The following ZNF479 variants were observed in gnomAD, a reference collection of about 807,000 sequenced individuals.
The protein encoded by ZNF479 is KRAB zinc finger protein KR19.
ZNF479 carries 15 observed loss-of-function variants against 14.7 expected under a neutral mutation model. That is an observed-to-expected ratio of 1.02 (90% CI 0.68 to 1.57). The LOEUF (loss-of-function observed/expected upper bound fraction) is 1.57, where lower values mean the gene tolerates loss of function less well. Ranked by LOEUF, ZNF479 falls within the 40% of genes most tolerant of loss-of-function variation. ZNF479 has a pLI of 0.00. For synonymous variants in ZNF479, 145 were observed against 211.5 expected, an observed-to-expected ratio of 0.69 and a Z score of 2.73; for missense variants, 506 against 615.1, an observed-to-expected ratio of 0.82 and a Z score of 1.88.
chr7:57,122,263 A>G (rs1374604207), intron 3 of ZNF479, among the ~76,000 whole-genome samples: 1 of 151,420 alleles, frequency 6.6e-6, no homozygotes, highest in Non-Finnish European at 1.5e-5. Flanking sequence ...AGGCTGAAAA[A>G]AATTTTCATG....
chr7:57,132,157 G>C (rs1157749673), intron 1 of ZNF479, 129 bp downstream of exon 1: 3 of 1,544,640 alleles, frequency 1.9e-6, no homozygotes, highest in Non-Finnish European at 2.7e-6. Flanking sequence ...AGCCGAGCTG[G>C]GCCAAAGAGG....
At chr7:57,134,427 T>A (rs1338674236), upstream of ZNF479, among the ~76,000 whole-genome samples, 1 of 152,108 alleles carries the variant, frequency 6.6e-6, no homozygotes, top group Non-Finnish European at 1.5e-5. Flanking sequence ...TTACCTTACA[T>A]GGTCTAAAAA....
upstream of ZNF479, among the ~76,000 whole-genome samples, chr7:57,135,880 C>T (rs779259673): frequency 5.3e-5 from 8 of 151,984 alleles, no homozygotes; most frequent in Non-Finnish European, 1.2e-4. Context: ...AAGCAGCCAC[C>T]TAAACTTTTG....
At chr7:57,134,356 C>A (rs992204725), upstream of ZNF479, among the ~76,000 whole-genome samples, 16 of 152,108 alleles carry the variant, frequency 1.1e-4, no homozygotes, top group African/African-American at 3.9e-4. Context: ...TGCATTAGCA[C>A]GTGAAAGACA....
Position 57,120,037 on chromosome 7 carries a change from T to C in ZNF479, c.1378A>G (p.Thr460Ala), listed in dbSNP as rs781859666. ...TCACATGTGTAGGGTCTCTCTCCAG[T>C]ATGAATTCTCTTGTGGTCAGTGAGG... Reference protein sequence around the residue: ...STLTDHKRIHTGERPYTCEEC... With the variant: ...STLTDHKRIHAGERPYTCEEC... Residue 460 changes from threonine (T) to alanine (A), a missense_variant, in exon 4 of 4, where the codon ACT becomes GCT. By Grantham distance (58) the Thr-to-Ala change is moderately conservative. This residue lies in a region of ZNF479 where 72 missense variants were observed against 97.6 expected (regional missense o/e 0.74). Coordinates refer to ENST00000319636, the MANE Select transcript of ZNF479 (RefSeq NM_001370129.2). 2.5e-6 allele frequency: 4 copies of C among 1,614,004 alleles called. No homozygotes were observed. Among genetic ancestry groups the C allele is most frequent in the Non-Finnish European group, 3.4e-6 (4 of 1,179,996 alleles).
chr7:57,138,469 T>C (rs1786743043), intron 1 of ZNF479, among the ~76,000 whole-genome samples: 1 of 152,216 alleles, frequency 6.6e-6, no homozygotes, highest in Admixed American at 6.5e-5. Context: ...GACTCTCATA[T>C]GAGGACACGA....
At chr7:57,122,320 TA>T (rs1254661917) in intron 3 of ZNF479, among the ~76,000 whole-genome samples, 1 of 138,624 alleles carries the variant, frequency 7.2e-6, no homozygotes, top group African/African-American at 2.5e-5. Context: ...TAAAGAAAAA[TA>T]AAACTCTTCC....
Position 57,118,466 on chromosome 7 carries a change from G to T in ZNF479, c.*1374C>A, listed in dbSNP as rs570745592. Among the ~76,000 whole-genome samples the T allele has an allele frequency of 6.6e-6, 1 of 151,970 alleles. No homozygotes were observed. Among genetic ancestry groups the T allele is most frequent in the African/African-American group, 2.4e-5 (1 of 41,362 alleles). Reference sequence around the variant, plus strand: ...AGCTCACTGCAACCTCTGCCTCCCCGGTTCAAGCAATTCTCCTACCTCTGC... The same window carrying T: ...AGCTCACTGCAACCTCTGCCTCCCCTGTTCAAGCAATTCTCCTACCTCTGC... On this transcript the variant is annotated 3_prime_UTR_variant, in exon 4 of 4. Transcript: ENST00000319636.
chr7:57,124,452 T>G (rs1786073188), intron 3 of ZNF479, among the ~76,000 whole-genome samples: 1 of 152,262 alleles, frequency 6.6e-6, no homozygotes, highest in East Asian at 1.9e-4. Context: ...TTGCATCACA[T>G]ACAAAAAATA....
intron 3 of ZNF479, among the ~76,000 whole-genome samples, chr7:57,124,459 A>G (rs1383607704): frequency 6.6e-6 from 1 of 152,208 alleles, no homozygotes; most frequent in African/African-American, 2.4e-5. Flanking sequence ...ACATACAAAA[A>G]ATATTTTAAA....
At chr7:57,124,803 G>A (rs189049917) in intron 3 of ZNF479, among the ~76,000 whole-genome samples, 1,600 of 152,214 alleles carry the variant, frequency 0.011, 16 homozygotes, top group Middle Eastern at 0.037. Flanking sequence ...AGCCAGGTGC[G>A]GTGGCTCACA....
At chr7:57,129,605 C>A (rs1786330748) in intron 1 of ZNF479, among the ~76,000 whole-genome samples, 1 of 152,138 alleles carries the variant, frequency 6.6e-6, no homozygotes, top group African/African-American at 2.4e-5. Flanking sequence ...AACCTGTACA[C>A]ATGTACTAAT....
chr7:57,120,613 G>T lies in ZNF479; in HGVS notation c.802C>A (p.Pro268Thr), dbSNP rs1554400226. The change falls in exon 4 of 4, where the codon CCC becomes ACC. Residue 268 changes from proline to threonine, a missense_variant. Coordinates refer to ENST00000319636, the MANE Select transcript of ZNF479 (RefSeq NM_001370129.2). ...RHKRTHTGEK[P>T]YTCEECGQAF... Reference sequence around the variant, plus strand: ...TGGCCACATTCTTCACACGTGTAGGGTTTCTCTCCAGTATGAGTTCTCTTA... The same window carrying T: ...TGGCCACATTCTTCACACGTGTAGGTTTTCTCTCCAGTATGAGTTCTCTTA... The T allele has an allele frequency of 6.2e-7, 1 of 1,613,980 alleles. No individual in the cohort carries two copies. Among genetic ancestry groups the T allele is most frequent in the Non-Finnish European group, 8.5e-7 (1 of 1,179,928 alleles).
chr7:57,127,482 G>C (rs1239213481), intron 1 of ZNF479: 2 of 914,714 alleles, frequency 2.2e-6, no homozygotes, highest in Non-Finnish European at 2.6e-6. Context: ...AGATTTCCGA[G>C]GAAGTCTGAA....
At chr7:57,121,987 G>A (rs1785974378) in intron 3 of ZNF479, among the ~76,000 whole-genome samples, 1 of 151,900 alleles carries the variant, frequency 6.6e-6, no homozygotes, top group Non-Finnish European at 1.5e-5. Flanking sequence ...AAACAAGGTG[G>A]AGGTAAAAAA....
chr7:57,136,363 G>C (rs1238590916), upstream of ZNF479, among the ~76,000 whole-genome samples: 1 of 151,250 alleles, frequency 6.6e-6, no homozygotes, highest in Non-Finnish European at 1.5e-5. Flanking sequence ...CAGCCTGGGA[G>C]ACAGAGCAAG....
upstream of ZNF479, among the ~76,000 whole-genome samples, chr7:57,134,758 T>A (rs1222854494): frequency 7.0e-6 from 1 of 142,752 alleles, no homozygotes; most frequent in Admixed American, 7.4e-5. Context: ...CACTACAACA[T>A]CTGCCTCCTG....
chr7:57,125,501 T>A (rs911316965), intron 3 of ZNF479, among the ~76,000 whole-genome samples: 1 of 150,682 alleles, frequency 6.6e-6, no homozygotes, highest in East Asian at 1.9e-4. Context: ...AGCCTCTAAA[T>A]AAATAAATAT....
chr7:57,123,866 GTA>G (rs1786050951), intron 3 of ZNF479, among the ~76,000 whole-genome samples: 1 of 151,888 alleles, frequency 6.6e-6, no homozygotes, highest in Non-Finnish European at 1.5e-5. Flanking sequence ...AAATCATACA[GTA>G]TATGTTTTCT....
Sources: gnomAD v4.1 joint callset for allele counts (sites outside exome capture counted in the v4.1 genomes callset) on GRCh38, gnomAD v4.1.1 for gene constraint, gnomAD v4.1.1 regional missense constraint, MANE v1.5 for transcripts, NCBI Gene and HGNC (gene_info 2026-07-23, HGNC 2026-07-21) for gene names.